Variants in RAD51B observed in about 807,000 individuals in gnomAD.
The protein encoded by RAD51B is RAD51 paralog B, also known as DNA repair protein RAD51 homolog 2.
In RAD51B, 38 loss-of-function variants were observed where a neutral mutation model predicts 42.2. The ratio of observed to expected loss-of-function variants is 0.90; its 90% CI spans 0.70 to 1.18. The LOEUF (loss-of-function observed/expected upper bound fraction) is 1.18, where lower values mean the gene tolerates loss of function less well. RAD51B is among the 50% of genes most tolerant of loss of function. RAD51B has a pLI of 0.00. For missense variants in RAD51B, 373 were observed against 400.7 expected, an observed-to-expected ratio of 0.93 and a Z score of 0.59; for synonymous variants, 154 against 145.2, an observed-to-expected ratio of 1.06 and a Z score of -0.43.
At chr14:68,673,508 G>A (rs1465719137) in intron 11 of RAD51B, among the ~76,000 whole-genome samples, 2 of 147,018 alleles carry the variant, frequency 1.4e-5, no homozygotes, top group Non-Finnish European at 3.0e-5. Flanking sequence ...ACACATGTAT[G>A]TACACACATA....
At chr14:68,535,355 T>G (rs1887553470) in intron 10 of RAD51B, among the ~76,000 whole-genome samples, 2 of 152,198 alleles carry the variant, frequency 1.3e-5, no homozygotes, top group South Asian at 4.1e-4. Flanking sequence ...CACCTTCTAC[T>G]GTCAGTTCCC....
chr14:68,358,181 T>A (rs566474156), intron 8 of RAD51B, among the ~76,000 whole-genome samples: 1 of 152,226 alleles, frequency 6.6e-6, no homozygotes, highest in South Asian at 2.1e-4. Flanking sequence ...CCATAACAGA[T>A]ATAATTATAA....
intron 9 of RAD51B, among the ~76,000 whole-genome samples, chr14:68,438,558 C>A (rs1477941600): frequency 6.6e-6 from 1 of 152,160 alleles, no homozygotes; most frequent in Non-Finnish European, 1.5e-5. Context: ...GGTTGGAGAT[C>A]AGAAATGATT....
intron 8 of RAD51B, among the ~76,000 whole-genome samples, chr14:68,329,642 A>T (rs975418422): frequency 7.9e-5 from 12 of 152,212 alleles, no homozygotes; most frequent in African/African-American, 2.4e-4. Context: ...TAAAAAGATC[A>T]TCTTAAATAA....
At chr14:68,613,676 G>T (rs28704805), downstream of RAD51B, among the ~76,000 whole-genome samples, 2 of 151,734 alleles carry the variant, frequency 1.3e-5, no homozygotes, top group Non-Finnish European at 2.9e-5. Context: ...GGATGGTCTC[G>T]ATCTCCTGAC....
intron 7 of RAD51B, among the ~76,000 whole-genome samples, chr14:68,010,565 TA>T (rs1457282020): frequency 2.0e-5 from 3 of 151,786 alleles, no homozygotes; most frequent in Non-Finnish European, 4.4e-5. Context: ...TTTGTTAATA[TA>T]AAAATATTTC....
intron 4 of RAD51B, among the ~76,000 whole-genome samples, chr14:67,843,185 G>T (rs1331600163): frequency 2.0e-5 from 3 of 150,412 alleles, no homozygotes; most frequent in Non-Finnish European, 4.4e-5. Flanking sequence ...AAGTTTTAGG[G>T]TACATGTGCA....
chr14:67,859,919 C>G (rs1007849129), intron 4 of RAD51B, among the ~76,000 whole-genome samples: 1 of 152,086 alleles, frequency 6.6e-6, no homozygotes, highest in African/African-American at 2.4e-5. Context: ...CTCCCAGGTT[C>G]GTGCGATTCT....
intron 8 of RAD51B, among the ~76,000 whole-genome samples, chr14:68,365,734 C>T (rs1425709715): frequency 1.8e-4 from 28 of 152,164 alleles, no homozygotes; most frequent in Admixed American, 1.7e-3. Context: ...AACTGTATGG[C>T]AGTCTAAATT....
chr14:68,382,885 C>T (rs1437819343), intron 8 of RAD51B, among the ~76,000 whole-genome samples: 8 of 152,204 alleles, frequency 5.3e-5, no homozygotes, highest in Non-Finnish European at 1.2e-4. Flanking sequence ...AAATCACTAG[C>T]ATAGTATTAC....
rs563452145 is a variant in RAD51B, at chr14:68,052,608, G to A, written c.756+165404G>A. On this transcript the variant is annotated intron_variant, in intron 7 of 10. Transcript: ENST00000471583. ...TTCATTTTATCTGTCTCACTTCCAT[G>A]ACTTCTTCTTCTTCTTCTTCTTTTT... Among the ~76,000 whole-genome samples the A allele has an allele frequency of 1.4e-4, 20 of 147,568 alleles. No homozygotes were observed. The South Asian group carries it at 3.4e-3, about 25-fold the overall frequency.
chr14:67,888,169 T>C (rs761584568), intron 7 of RAD51B, among the ~76,000 whole-genome samples: 5 of 152,204 alleles, frequency 3.3e-5, no homozygotes, highest in African/African-American at 4.8e-5. Context: ...CAAAAAGTTC[T>C]GCATACTTTA....
At chr14:68,244,572 T>G (rs1047452231) in intron 7 of RAD51B, among the ~76,000 whole-genome samples, 4 of 152,172 alleles carry the variant, frequency 2.6e-5, no homozygotes, top group Admixed American at 1.3e-4. Flanking sequence ...ATTGTATTGT[T>G]AGAGAATAAT....
intron 7 of RAD51B, among the ~76,000 whole-genome samples, chr14:68,124,783 C>T (rs1433397280): frequency 6.6e-6 from 1 of 152,034 alleles, no homozygotes; most frequent in Non-Finnish European, 1.5e-5. Flanking sequence ...GAAACCCCAT[C>T]TCTACTAAAA....
chr14:67,959,706 T>C lies in RAD51B; in HGVS notation c.756+72502T>C, dbSNP rs184592844. Reference sequence around the variant, plus strand: ...TTCTAGCATATCTATATTTTGACAATGAAAATGGTTCTTTACTAATTATAT... The same window carrying C: ...TTCTAGCATATCTATATTTTGACAACGAAAATGGTTCTTTACTAATTATAT... On this transcript the variant is annotated intron_variant, in intron 7 of 10. Transcript: ENST00000471583. Among the ~76,000 whole-genome samples, 287 of 152,340 alleles carry C rather than the reference T, an allele frequency of 1.9e-3. 3 individuals carry two copies. Among genetic ancestry groups the C allele is most frequent in the Admixed American group, 3.7e-3 (56 of 15,306 alleles).
At chr14:67,847,710 C>T (rs1382873950) in intron 4 of RAD51B, among the ~76,000 whole-genome samples, 1 of 152,154 alleles carries the variant, frequency 6.6e-6, no homozygotes, top group African/African-American at 2.4e-5. Context: ...CATGTGGTTG[C>T]TCTTAGAGTA....
In RAD51B at chr14:68,292,070, G is replaced by A. The variant is rs1250468931; in HGVS notation, c.853+90G>A. The A allele has an allele frequency of 3.3e-6, 4 of 1,230,716 alleles. No homozygotes were observed. In the African/African-American group the frequency reaches 5.9e-5, roughly 18 times the overall value. The allele number at this position is 1,230,716 out of a possible 1,614,324, so 76.2% of individuals were successfully genotyped here. A position where few individuals can be genotyped will look rare whatever the true frequency, so the allele number is the denominator to read the frequency against. ...CTCCTGTTGAGAGCTGGGAGATATG[G>A]CTAATAGGCCCTGGCCAGTGAACCC... On this transcript the variant is annotated intron_variant, in intron 8 of 10. Coordinates refer to ENST00000471583, the MANE Select transcript of RAD51B (RefSeq NM_133510.4).
intron 11 of RAD51B, among the ~76,000 whole-genome samples, chr14:68,680,635 C>T (rs1490632032): frequency 1.3e-5 from 2 of 152,124 alleles, no homozygotes; most frequent in South Asian, 2.1e-4. Context: ...CTGATGGCCA[C>T]ACCCTTTGTT....
chr14:68,461,019 G>T (rs994242300), intron 9 of RAD51B, among the ~76,000 whole-genome samples: 1 of 152,000 alleles, frequency 6.6e-6, no homozygotes, highest in Non-Finnish European at 1.5e-5. Flanking sequence ...AGAGGTTTGT[G>T]GGACCAGAAG....
Sources: allele counts gnomAD v4.1 joint callset (sites outside exome capture counted in the v4.1 genomes callset), GRCh38; gene constraint gnomAD v4.1.1; transcripts MANE v1.5; gene names NCBI Gene and HGNC (gene_info 2026-07-23, HGNC 2026-07-21).